Variants in MAN2B2 observed in about 807,000 individuals in gnomAD.
MAN2B2 encodes epididymis-specific alpha-mannosidase.
In MAN2B2, 106 loss-of-function variants were observed where a neutral mutation model predicts 117.1. The observed-to-expected ratio is 0.90, with a 90% CI of 0.77 to 1.06. The LOEUF (loss-of-function observed/expected upper bound fraction) is 1.06. Ranked by LOEUF, MAN2B2 falls within the 50% of genes least tolerant of loss-of-function variation. The pLI is 0.00. For synonymous variants in MAN2B2, 544 were observed against 595.1 expected (o/e 0.91, Z 1.25); for missense variants, 1,326 against 1,381.4 (o/e 0.96, Z 0.64).
intron 15 of MAN2B2, among the ~76,000 whole-genome samples, chr4:6,613,360 G>A (rs925369333): frequency 3.3e-5 from 5 of 152,044 alleles, no homozygotes; most frequent in African/African-American, 7.2e-5. Context: ...AGGGCAAGAC[G>A]GGAGGATCTC....
At chr4:6,605,435 C>G (rs918309757) in intron 11 of MAN2B2, 106 bp downstream of exon 11, 188 of 1,333,458 alleles carry the variant, frequency 1.4e-4, no homozygotes, top group Middle Eastern at 2.7e-4. Flanking sequence ...GGGGGAAGGA[C>G]AGATGGTGGT....
chr4:6,613,613 TGGAAG>T (rs1711687062), intron 15 of MAN2B2, among the ~76,000 whole-genome samples: 1 of 46,046 alleles, frequency 2.2e-5, no homozygotes, highest in Non-Finnish European at 4.1e-5. Context: ...GGGAATGGAA[TGGAAG>T]GGAGGGGAGG....
intron 3 of MAN2B2, among the ~76,000 whole-genome samples, chr4:6,579,165 CCACCACCACCACCATCACCATCACCAG>C (rs1726250283): frequency 3.8e-5 from 2 of 53,076 alleles, no homozygotes; most frequent in African/African-American, 1.3e-4. Flanking sequence ...ACCATCACCA[CCACCACCACCACCATCACCATCACCAG>C]CACCACCACC....
At position 6,597,183 on chromosome 4, in the gene MAN2B2, C is replaced by T. The variant is rs773194490; in HGVS notation, c.1128C>T (p.Ser376=). ...SSLKGLARRA[S]ALLYAGESMF... is the part of the protein sequence containing the mutation. ...TGAAGGGGCTGGCCCGGCGAGCCAG[C>T]GCCTTGTTGTATGCCGGGGAGTCCA... Residue 376 remains serine, a synonymous_variant, in exon 8 of 19, where the codon AGC becomes AGT. Coordinates refer to ENST00000285599, the MANE Select transcript of MAN2B2 (RefSeq NM_015274.3). 2.5e-5 allele frequency: 41 copies of T among 1,612,758 alleles called. No individual in the cohort carries two copies. The highest frequency in any genetic ancestry group is 1.8e-4 in the Admixed American group (11 of 59,936).
At chr4:6,614,653 G>C (rs769797090) in intron 16 of MAN2B2, among the ~76,000 whole-genome samples, 1 of 152,146 alleles carries the variant, frequency 6.6e-6, no homozygotes. Context: ...AAGTCCCCCT[G>C]ACCCCCAGGT....
At chr4:6,617,320 C>A in intron 16 of MAN2B2, 60 bp from the exon 17 acceptor site, 1 of 1,300,874 alleles carries the variant, frequency 7.7e-7, no homozygotes, top group Non-Finnish European at 1.1e-6. Context: ...GGGTATAGAC[C>A]AGGGACATTG....
At chr4:6,604,424 T>G (rs1365755492) in intron 10 of MAN2B2, among the ~76,000 whole-genome samples, 1 of 15,462 alleles carries the variant, frequency 6.5e-5, no homozygotes, top group African/African-American at 2.4e-4. Flanking sequence ...AAGAAGGCGG[T>G]GGGGGGCCTT....
intron 13 of MAN2B2, among the ~76,000 whole-genome samples, chr4:6,610,608 T>C (rs754976959): frequency 6.6e-6 from 1 of 152,246 alleles, no homozygotes; most frequent in Non-Finnish European, 1.5e-5. Context: ...TCCTGTAAAA[T>C]GGCTCCTTCA....
In MAN2B2 at chr4:6,591,387, C is replaced by G. The variant is rs374751082; in HGVS notation, c.681-1786C>G. On this transcript the variant is annotated intron_variant, in intron 5 of 18. Transcript: ENST00000285599. ...TTATCACATACAATCACAGCTCACA[C>G]CTTACTCGCCAAGGCCCCGTGGGAG... Among the ~76,000 whole-genome samples, 31 of 152,364 alleles carry G rather than the reference C, an allele frequency of 2.0e-4. 1 individual carries two copies. In the South Asian group the frequency reaches 6.4e-3, roughly 32 times the overall value.
At chr4:6,610,851 C>T (rs965700728) in intron 13 of MAN2B2, 29 bp from the exon 14 acceptor site, 12 of 1,605,860 alleles carry the variant, frequency 7.5e-6, no homozygotes, top group East Asian at 2.2e-5. Flanking sequence ...TTGCCCCAAT[C>T]GCCCACCTGG....
chr4:6,598,837 G>A (rs1249138761), intron 9 of MAN2B2, among the ~76,000 whole-genome samples: 1 of 152,188 alleles, frequency 6.6e-6, no homozygotes, highest in Non-Finnish European at 1.5e-5. Context: ...TCCCTTCCTG[G>A]CTCCTGGCAC....
At chr4:6,598,961 G>A (rs1727216311) in intron 9 of MAN2B2, among the ~76,000 whole-genome samples, 1 of 152,234 alleles carries the variant, frequency 6.6e-6, no homozygotes, top group Non-Finnish European at 1.5e-5. Context: ...GTGTGCCTGG[G>A]ACTGAGGGGT....
At chr4:6,587,921 A>C (rs1726703875) in intron 4 of MAN2B2, among the ~76,000 whole-genome samples, 1 of 151,490 alleles carries the variant, frequency 6.6e-6, no homozygotes, top group African/African-American at 2.4e-5. Flanking sequence ...CGCCCAGCTA[A>C]ATTTTTTGTG....
intron 11 of MAN2B2, among the ~76,000 whole-genome samples, chr4:6,607,214 T>C (rs1165453209): frequency 1.3e-5 from 2 of 152,192 alleles, no homozygotes; most frequent in Non-Finnish European, 1.5e-5. Flanking sequence ...TATTGATTGA[T>C]TGATTGATTG....
At position 6,610,991 on chromosome 4, in the gene MAN2B2, G is replaced by T. The variant is rs543056510; in HGVS notation, c.2370+1G>T. On this transcript the variant is annotated splice_donor_variant, in intron 14 of 18. Coordinates refer to ENST00000285599, the MANE Select transcript of MAN2B2 (RefSeq NM_015274.3). LOFTEE classifies it high-confidence loss of function. ...CAGCCAAGGGAATGGGCAGGTGGAG[G>T]TAGGAGGCACGGTCTGTCCTACAGC... is the stretch of plus-strand genomic sequence containing the variant. 1 of 1,614,154 alleles carries T rather than the reference G, an allele frequency of 6.2e-7. No individual in the cohort carries two copies. Among genetic ancestry groups the T allele is most frequent in the South Asian group, 1.1e-5 (1 of 91,086 alleles).
chr4:6,578,875 G>A (rs1455239115), intron 3 of MAN2B2, among the ~76,000 whole-genome samples: 1 of 151,896 alleles, frequency 6.6e-6, no homozygotes, highest in African/African-American at 2.4e-5. Flanking sequence ...TTAGTAGGAT[G>A]TGGGTTCCCT....
At chr4:6,591,624 G>A (rs991396742) in intron 5 of MAN2B2, among the ~76,000 whole-genome samples, 1 of 152,144 alleles carries the variant, frequency 6.6e-6, no homozygotes, top group Non-Finnish European at 1.5e-5. Flanking sequence ...CTGCTGGTGG[G>A]GGCTATCAGG....
Position 6,609,118 on chromosome 4 carries a change from G to A in MAN2B2, c.1826G>A (p.Arg609Gln), listed in dbSNP as rs372022402. The change falls in exon 12 of 19, where the codon CGA becomes CAA. Residue 609 changes from arginine to glutamine, a missense_variant. Transcript: ENST00000285599. Reference protein sequence around the residue: ...MHSIWERQSNRTVRVTQEFLE... With the variant: ...MHSIWERQSNQTVRVTQEFLE... The stretch of plus-strand genomic sequence containing the variant: ...TCCTGCCTCTGCAGACAGAGTAACC[G>A]AACGGTGCGCGTGACCCAGGAATTC... 32 of 1,613,668 alleles carry A rather than the reference G, an allele frequency of 2.0e-5. No homozygotes were observed. The highest frequency in any genetic ancestry group is 1.5e-4 in the South Asian group (14 of 91,022).
chr4:6,602,581 A>G (rs1727374320), intron 10 of MAN2B2, among the ~76,000 whole-genome samples: 1 of 152,114 alleles, frequency 6.6e-6, no homozygotes, highest in Non-Finnish European at 1.5e-5. Flanking sequence ...GGCATCACTC[A>G]TGCCAAGTGG....
Sources: allele counts gnomAD v4.1 joint callset (sites outside exome capture counted in the v4.1 genomes callset), GRCh38; gene constraint gnomAD v4.1.1; transcripts MANE v1.5; gene names NCBI Gene and HGNC (gene_info 2026-07-23, HGNC 2026-07-21).